Variants in B4GALT4 observed in about 807,000 individuals in gnomAD.
The protein encoded by B4GALT4 is beta-1,4-galactosyltransferase 4.
In B4GALT4, 27 loss-of-function variants were observed where a neutral mutation model predicts 37.3. That is an observed-to-expected ratio of 0.72 (90% confidence interval 0.53 to 1.00). B4GALT4 has a LOEUF of 1.00. B4GALT4 is among the 50% of genes least tolerant of loss of function. The probability of loss-of-function intolerance (pLI) is 0.00; values close to 1 mark genes in which losing one functional copy is unlikely to be tolerated. For synonymous variants in B4GALT4, 148 were observed against 154.1 expected (o/e 0.96, Z 0.29); for missense variants, 372 against 413.1 (o/e 0.90, Z 0.86).
chr3:119,230,234 G>A lies in B4GALT4; in HGVS notation c.-135C>T. On this transcript the variant is annotated 5_prime_UTR_variant, in exon 3 of 8. Transcript: ENST00000393765. ...ATGCCTGGTTTTTCTCAGTAGTTCTGCTCCAACAGTCTAAAACGCAATCAC... is the reference window on the plus strand; with the variant it reads ...ATGCCTGGTTTTTCTCAGTAGTTCTACTCCAACAGTCTAAAACGCAATCAC... 2 of 1,143,152 alleles carry A rather than the reference G, an allele frequency of 1.7e-6. No individual in the cohort carries two copies. Among genetic ancestry groups the A allele is most frequent in the Non-Finnish European group, 2.5e-6 (2 of 806,756 alleles). The allele number at this position is 1,143,152 out of a possible 1,614,324, so 70.8% of individuals were successfully genotyped here. A position where few individuals can be genotyped will look rare whatever the true frequency, so the allele number is the denominator to read the frequency against.
rs1323800979 is a variant in B4GALT4, at chr3:119,212,176, A to G, written c.*373T>C. On this transcript the variant is annotated 3_prime_UTR_variant, in exon 8 of 8. Coordinates refer to ENST00000393765, the MANE Select transcript of B4GALT4 (RefSeq NM_003778.4). ...GAGAACAACTCTGGTTCTCTCAGAC[A>G]TTCAGCAGTCTTATTTCCTGTGGCC... The G allele has an allele frequency of 1.7e-5, 12 of 702,940 alleles. No individual in the cohort carries two copies. Among genetic ancestry groups the G allele is most frequent in the Non-Finnish European group, 2.9e-5 (11 of 385,008 alleles). The allele number at this position is 702,940 out of a possible 1,614,324, so 43.5% of individuals were successfully genotyped here.
intron 4 of B4GALT4, among the ~76,000 whole-genome samples, chr3:119,225,307 T>C (rs1257703733): frequency 6.6e-6 from 1 of 152,240 alleles, no homozygotes; most frequent in Non-Finnish European, 1.5e-5. Flanking sequence ...TTAAGTGGTT[T>C]ATCATAAAAG....
At chr3:119,233,143 G>A (rs561148632) in intron 2 of B4GALT4, 2 of 152,294 alleles carry the variant, frequency 1.3e-5, no homozygotes, top group Admixed American at 6.5e-5. Flanking sequence ...TATTTTTAGA[G>A]GGAGAGTCCC....
intron 4 of B4GALT4, among the ~76,000 whole-genome samples, chr3:119,224,667 T>C (rs2078550026): frequency 6.6e-6 from 1 of 152,022 alleles, no homozygotes; most frequent in South Asian, 2.1e-4. Context: ...TAGCAAAAAT[T>C]TTAAAAAGTT....
chr3:119,240,374 G>C (rs1483801665), intron 1 of B4GALT4: 1 of 152,260 alleles, frequency 6.6e-6, no homozygotes, highest in Non-Finnish European at 1.5e-5. Flanking sequence ...TTTGGAGAAA[G>C]GTCAAAGGTC....
chr3:119,226,135 G>A (rs1329961722), intron 4 of B4GALT4, among the ~76,000 whole-genome samples: 1 of 152,198 alleles, frequency 6.6e-6, no homozygotes, highest in Non-Finnish European at 1.5e-5. Flanking sequence ...TGTTTAAACT[G>A]ATGTCTTAGT....
chr3:119,238,429 T>C (rs2079049590), intron 1 of B4GALT4, among the ~76,000 whole-genome samples: 1 of 152,146 alleles, frequency 6.6e-6, no homozygotes, highest in African/African-American at 2.4e-5. Flanking sequence ...TTTTCTAAAA[T>C]GGAGTTTTCA....
chr3:119,229,548 G>A (rs572483433), intron 3 of B4GALT4, among the ~76,000 whole-genome samples: 19 of 152,140 alleles, frequency 1.2e-4, no homozygotes, highest in African/African-American at 2.2e-4. Context: ...TCTTGAAGCC[G>A]GAGTGGTGAC....
chr3:119,229,954 G>C lies in B4GALT4; in HGVS notation c.146C>G (p.Ala49Gly). ...QEIPKAKEFM[A>G]NFHKTLILGK... ...CAAAATGAGGGTCTTATGGAAATTA[G>C]CCATGAACTCCTTTGCTTTAGGAAT... The change falls in exon 3 of 8, where the codon GCT becomes GGT. Residue 49 changes from alanine (A) to glycine (G), a missense_variant. Ala to Gly is a moderately conservative substitution (Grantham distance 60, BLOSUM62 0). Transcript: ENST00000393765. 6.2e-7 allele frequency: 1 copy of C among 1,614,124 alleles called. No individual in the cohort carries two copies. The highest frequency in any genetic ancestry group is 8.5e-7 in the Non-Finnish European group (1 of 1,180,018).
chr3:119,229,818 C>T, intron 3 of B4GALT4, 29 bp downstream of exon 3: 1 of 1,609,002 alleles, frequency 6.2e-7, no homozygotes, highest in East Asian at 2.2e-5. Flanking sequence ...TTGCATACTA[C>T]TTAATCAAAG....
chr3:119,228,598 C>A (rs2078700555), intron 3 of B4GALT4, among the ~76,000 whole-genome samples: 2 of 152,218 alleles, frequency 1.3e-5, no homozygotes, highest in African/African-American at 4.8e-5. Flanking sequence ...AATACACAAT[C>A]AGGAATAACA....
intron 1 of B4GALT4, among the ~76,000 whole-genome samples, chr3:119,238,904 A>T (rs1325335714): frequency 1.3e-5 from 2 of 152,234 alleles, no homozygotes; most frequent in Non-Finnish European, 2.9e-5. Flanking sequence ...AAAAAGCCCC[A>T]ATCTCAAAGA....
intron 4 of B4GALT4, 105 bp from the exon 5 acceptor site, chr3:119,224,350 G>GC: frequency 1.4e-6 from 1 of 722,356 alleles, no homozygotes; most frequent in Non-Finnish European, 2.1e-6. Context: ...ATTATTCTAC[G>GC]CACGAGACTA....
At chr3:119,224,303 G>T in intron 4 of B4GALT4, 58 bp from the exon 5 acceptor site, 3 of 1,390,286 alleles carry the variant, frequency 2.2e-6, no homozygotes, top group Non-Finnish European at 2.0e-6. Flanking sequence ...CATATTGTTT[G>T]CCTCTTAGTT....
At chr3:119,216,435 CACACGCACAT>C (rs11278608) in intron 6 of B4GALT4, 91 bp from the exon 7 acceptor site, 67,997 of 312,990 alleles carry the variant, frequency 0.22, 6,012 homozygotes, top group African/African-American at 0.33. Context: ...TTTATACACA[CACACGCACAT>C]ACACACACAC....
intron 6 of B4GALT4, among the ~76,000 whole-genome samples, chr3:119,218,136 C>T (rs1260861278): frequency 6.6e-6 from 1 of 152,130 alleles, no homozygotes; most frequent in East Asian, 1.9e-4. Flanking sequence ...CAGAGTCAGG[C>T]CTGGGGTCAG....
rs763214004 is a variant in B4GALT4 at position 119,226,904 on chromosome 3, G to A, written c.391C>T (p.Arg131Trp). 1.4e-5 allele frequency: 23 copies of A among 1,614,040 alleles called. No individual in the cohort carries two copies. Among genetic ancestry groups the A allele is most frequent in the East Asian group, 4.5e-5 (2 of 44,892 alleles). Residue 131 changes from arginine (R) to tryptophan (W), a missense_variant, in exon 4 of 8, where the codon CGG (arginine) becomes TGG (tryptophan). By Grantham distance (101) the Arg-to-Trp change is moderately radical (BLOSUM62 -3). Transcript: ENST00000393765. ...LQRVAILVPHRNREKHLMYLL... is the reference protein window; with the variant it reads ...LQRVAILVPHWNREKHLMYLL... Reference sequence around the variant, plus strand: ...TACATCAGGTGTTTCTCTCTGTTCCGGTGGGGAACGAGGATGGCGACCCTC... The same window carrying A: ...TACATCAGGTGTTTCTCTCTGTTCCAGTGGGGAACGAGGATGGCGACCCTC...
At chr3:119,228,797 G>A (rs1403354147) in intron 3 of B4GALT4, among the ~76,000 whole-genome samples, 8 of 137,788 alleles carry the variant, frequency 5.8e-5, no homozygotes, top group Admixed American at 5.6e-4. Flanking sequence ...TCATAAGGGT[G>A]GAGCTGCCAG....
intron 2 of B4GALT4, chr3:119,232,939 C>A (rs991986239): frequency 6.6e-6 from 1 of 152,236 alleles, no homozygotes; most frequent in Non-Finnish European, 1.5e-5. Context: ...TCCCAAGCAG[C>A]TGGGATTACA....
Sources: allele counts gnomAD v4.1 joint callset (sites outside exome capture counted in the v4.1 genomes callset), GRCh38; gene constraint gnomAD v4.1.1; transcripts MANE v1.5; gene names NCBI Gene and HGNC (gene_info 2026-07-23, HGNC 2026-07-21).